The following KIAA1217 variants were observed in gnomAD, a reference collection of about 807,000 sequenced individuals.
KIAA1217 encodes KIAA1217.
In KIAA1217, 88 loss-of-function variants were observed where a neutral mutation model predicts 163.9. The observed-to-expected ratio is 0.54, with a 90% CI of 0.45 to 0.64. The LOEUF (loss-of-function observed/expected upper bound fraction) is 0.64. Ranked by LOEUF, KIAA1217 falls within the 30% of genes least tolerant of loss-of-function variation. KIAA1217 has a pLI of 0.00. For synonymous variants in KIAA1217, 903 were observed against 923.1 expected, an observed-to-expected ratio of 0.98 and a Z score of 0.39; for missense variants, 2,372 against 2,475.0, an observed-to-expected ratio of 0.96 and a Z score of 0.88.
intron 3 of KIAA1217, among the ~76,000 whole-genome samples, chr10:24,428,030 G>C (rs1243177606): frequency 6.6e-6 from 1 of 151,560 alleles, no homozygotes; most frequent in African/African-American, 2.4e-5. Context: ...CAGACCCTGA[G>C]GTAACTATAG....
intron 2 of KIAA1217, among the ~76,000 whole-genome samples, chr10:24,337,789 G>C (rs915228765): frequency 6.6e-6 from 1 of 151,588 alleles, no homozygotes; most frequent in Non-Finnish European, 1.5e-5. Flanking sequence ...GATTACAGGT[G>C]CCTGCCACCA....
chr10:23,885,436 G>A (rs543958892), intron 1 of KIAA1217, among the ~76,000 whole-genome samples: 5 of 151,870 alleles, frequency 3.3e-5, no homozygotes, highest in Non-Finnish European at 7.4e-5. Flanking sequence ...CCTGAAGTTG[G>A]AATCTCTAAA....
intron 2 of KIAA1217, among the ~76,000 whole-genome samples, chr10:24,301,791 T>C (rs986627760): frequency 2.6e-5 from 4 of 152,194 alleles, no homozygotes; most frequent in Admixed American, 2.0e-4. Context: ...ATGCCTAAAA[T>C]CCCAGCACTT....
At chr10:24,154,199 C>T (rs1009983224) in intron 2 of KIAA1217, among the ~76,000 whole-genome samples, 5 of 151,952 alleles carry the variant, frequency 3.3e-5, no homozygotes, top group African/African-American at 1.2e-4. Context: ...CCTCGTGATC[C>T]GCCCGCCTCG....
chr10:23,832,649 T>C (rs990848763), intron 1 of KIAA1217, among the ~76,000 whole-genome samples: 1 of 152,102 alleles, frequency 6.6e-6, no homozygotes, highest in African/African-American at 2.4e-5. Flanking sequence ...ATTCCACAGA[T>C]TACAAGGGTT....
chr10:23,734,136 G>A (rs548980753), intron 1 of KIAA1217, among the ~76,000 whole-genome samples: 2 of 152,128 alleles, frequency 1.3e-5, no homozygotes, highest in African/African-American at 4.8e-5. Context: ...CCAACTTAAT[G>A]AGAACATCAG....
chr10:24,252,998 A>T (rs374259290), intron 2 of KIAA1217, among the ~76,000 whole-genome samples: 6 of 11,442 alleles, frequency 5.2e-4, no homozygotes, highest in African/African-American at 1.7e-3. Flanking sequence ...ACAAATAATT[A>T]AAAAAAAAAA....
chr10:24,505,009 A>G (rs544890602), intron 9 of KIAA1217, among the ~76,000 whole-genome samples: 1 of 152,262 alleles, frequency 6.6e-6, no homozygotes, highest in Admixed American at 6.5e-5. Flanking sequence ...ACCCTTAGCA[A>G]AAATACCAGT....
chr10:24,503,242 C>G (rs7899691), intron 9 of KIAA1217, among the ~76,000 whole-genome samples: 42,472 of 152,036 alleles, frequency 0.28, 6,477 homozygotes, highest in African/African-American at 0.39. Flanking sequence ...TGGATCATGA[C>G]GGTTGCTAGA....
chr10:24,027,155 C>T (rs1847988279), intron 2 of KIAA1217, among the ~76,000 whole-genome samples: 1 of 152,074 alleles, frequency 6.6e-6, no homozygotes, highest in African/African-American at 2.4e-5. Context: ...AGCACCTCCT[C>T]TGACTGAAAA....
chr10:24,210,269 T>TA (rs1423414964), intron 1 of KIAA1217, among the ~76,000 whole-genome samples: 1 of 152,122 alleles, frequency 6.6e-6, no homozygotes, highest in Non-Finnish European at 1.5e-5. Context: ...CAGGAGAACT[T>TA]ACAATGACAA....
At position 24,227,828 on chromosome 10, in the gene KIAA1217, G is replaced by A. The variant is rs558432446; in HGVS notation, c.354+7919G>A. 6.6e-5 allele frequency among the ~76,000 whole-genome samples: 10 copies of A among 152,216 alleles called. No individual in the cohort carries two copies. The South Asian group carries it at 8.3e-4, about 13-fold the overall frequency. On this transcript the variant is annotated intron_variant, in intron 2 of 20. Transcript: ENST00000376454. The stretch of plus-strand genomic sequence containing the variant: ...ATTACAGGCGTGAGCCACTGCGCCC[G>A]GCCAATATGAGCATTTGAAACAGGG...
At chr10:23,860,089 G>T (rs143879970) in intron 1 of KIAA1217, among the ~76,000 whole-genome samples, 1 of 152,066 alleles carries the variant, frequency 6.6e-6, no homozygotes, top group Non-Finnish European at 1.5e-5. Context: ...CCTGCCCCTC[G>T]TACGTTCTGA....
intron 17 of KIAA1217, among the ~76,000 whole-genome samples, chr10:24,540,924 G>A (rs193289680): frequency 2.3e-4 from 35 of 150,712 alleles, no homozygotes; most frequent in East Asian, 1.2e-3. Flanking sequence ...ACCCGCCACC[G>A]TGCCCAGCTA....
chr10:23,816,807 G>C (rs914847638), intron 1 of KIAA1217, among the ~76,000 whole-genome samples: 6 of 152,126 alleles, frequency 3.9e-5, no homozygotes, highest in African/African-American at 1.4e-4. Context: ...TAACTGGAGA[G>C]GCATAGTCAG....
intron 2 of KIAA1217, among the ~76,000 whole-genome samples, chr10:24,029,469 C>A (rs939225616): frequency 6.6e-6 from 1 of 152,024 alleles, no homozygotes; most frequent in Admixed American, 6.6e-5. Context: ...AGTGCAGGGT[C>A]CTCAGTGGAT....
chr10:24,248,296 A>G (rs2074055244), intron 2 of KIAA1217, among the ~76,000 whole-genome samples: 2 of 152,218 alleles, frequency 1.3e-5, no homozygotes, highest in South Asian at 4.1e-4. Flanking sequence ...GCCTGGAATT[A>G]TCAACAAAAG....
chr10:24,241,591 G>A (rs779649984), intron 2 of KIAA1217, among the ~76,000 whole-genome samples: 1 of 152,114 alleles, frequency 6.6e-6, no homozygotes, highest in Non-Finnish European at 1.5e-5. Context: ...TCACCAAGGG[G>A]CTGTGGTTGC....
At chr10:23,977,212 T>C (rs1341918285) in intron 1 of KIAA1217, among the ~76,000 whole-genome samples, 1 of 152,222 alleles carries the variant, frequency 6.6e-6, no homozygotes, top group African/African-American at 2.4e-5. Context: ...CATCTTGAAG[T>C]TATTTCAAAC....
Sources: allele counts gnomAD v4.1 joint callset (sites outside exome capture counted in the v4.1 genomes callset), GRCh38; gene constraint gnomAD v4.1.1; transcripts MANE v1.5; gene names NCBI Gene and HGNC (gene_info 2026-07-23, HGNC 2026-07-21).